UBASH3B: variants seen among roughly 807,000 people sequenced by gnomAD.
The protein encoded by UBASH3B is ubiquitin associated and SH3 domain containing B, also known as ubiquitin-associated and SH3 domain-containing protein B.
Under a neutral mutation model 83.4 loss-of-function variants are expected in UBASH3B, and 37 were observed. The observed-to-expected ratio is 0.44, with a 90% CI of 0.34 to 0.58. UBASH3B has a LOEUF of 0.58. Ranked by LOEUF, UBASH3B falls within the 20% of genes least tolerant of loss-of-function variation. The pLI is 0.01. For synonymous variants in UBASH3B, 304 were observed against 318.3 expected, an observed-to-expected ratio of 0.96 and a Z score of 0.48; for missense variants, 657 against 827.2, an observed-to-expected ratio of 0.79 and a Z score of 2.52.
intron 1 of UBASH3B, among the ~76,000 whole-genome samples, chr11:122,738,952 A>G (rs1470478557): frequency 6.6e-6 from 1 of 151,706 alleles, no homozygotes; most frequent in Non-Finnish European, 1.5e-5. Context: ...GTGTGGATAT[A>G]AGGGAGCCAT....
chr11:122,705,464 AAAAAAAAG>A (rs1418304767), intron 1 of UBASH3B, among the ~76,000 whole-genome samples: 10 of 151,938 alleles, frequency 6.6e-5, no homozygotes, highest in South Asian at 2.1e-4. Context: ...TAAAAAAAAA[AAAAAAAAG>A]AAAAAAAGAA....
intron 1 of UBASH3B, chr11:122,773,967 G>T: frequency 2.0e-6 from 2 of 985,276 alleles, no homozygotes; most frequent in Non-Finnish European, 2.4e-6. Flanking sequence ...TGGAACAATG[G>T]GTCCTTTTTT....
chr11:122,783,327 C>A, intron 5 of UBASH3B, 105 bp downstream of exon 5: 1 of 1,339,220 alleles, frequency 7.5e-7, no homozygotes, highest in Non-Finnish European at 1.0e-6. Context: ...AAAAATGGAG[C>A]AAGCACCTAA....
At chr11:122,788,363 G>A (rs565584396) in intron 5 of UBASH3B, among the ~76,000 whole-genome samples, 81 of 152,308 alleles carry the variant, frequency 5.3e-4, no homozygotes, top group African/African-American at 1.8e-3. Context: ...GAGGTCAGGA[G>A]TTCGAGACCA....
intron 1 of UBASH3B, among the ~76,000 whole-genome samples, chr11:122,733,439 C>A (rs1180052244): frequency 6.6e-6 from 1 of 152,192 alleles, no homozygotes; most frequent in Non-Finnish European, 1.5e-5. Context: ...TCACTAGAAA[C>A]AAATCCCAGC....
intron 1 of UBASH3B, among the ~76,000 whole-genome samples, chr11:122,657,950 C>T (rs1250575869): frequency 1.3e-5 from 2 of 151,782 alleles, no homozygotes; most frequent in African/African-American, 4.8e-5. Context: ...CTGAGGCAGC[C>T]GGATCACTTG....
At chr11:122,745,802 T>C (rs1177865605) in intron 1 of UBASH3B, among the ~76,000 whole-genome samples, 1 of 152,198 alleles carries the variant, frequency 6.6e-6, no homozygotes, top group Non-Finnish European at 1.5e-5. Flanking sequence ...ATCCCACTTA[T>C]CTATCAAGGC....
chr11:122,803,898 G>A (rs187512059), intron 11 of UBASH3B, among the ~76,000 whole-genome samples: 2 of 152,224 alleles, frequency 1.3e-5, no homozygotes, highest in Admixed American at 1.3e-4. Context: ...GGGCCTGCAG[G>A]TGTGGCTAGC....
intron 11 of UBASH3B, 42 bp downstream of exon 11, chr11:122,801,374 G>T (rs1818399227): frequency 6.2e-7 from 1 of 1,605,778 alleles, no homozygotes; most frequent in South Asian, 1.1e-5. Flanking sequence ...CAGTGTGGAA[G>T]TGCTTTCTGC....
intron 1 of UBASH3B, chr11:122,774,364 G>C: frequency 3.2e-6 from 3 of 938,884 alleles, no homozygotes; most frequent in Non-Finnish European, 3.8e-6. Flanking sequence ...AGGGGAAGGG[G>C]ATAGTCTTTA....
At chr11:122,738,162 AC>A (rs1424219624) in intron 1 of UBASH3B, among the ~76,000 whole-genome samples, 2 of 151,040 alleles carry the variant, frequency 1.3e-5, no homozygotes, top group African/African-American at 2.5e-5. Context: ...TCTCACTGTT[AC>A]TTACTAAGTG....
chr11:122,800,392 A>AAC (rs1861233708), intron 10 of UBASH3B, among the ~76,000 whole-genome samples: 1 of 149,970 alleles, frequency 6.7e-6, no homozygotes. Context: ...ACAAAAAAAA[A>AAC]AAAAAAAAAA....
At position 122,769,236 on chromosome 11, in the gene UBASH3B, T is replaced by G. The variant is rs180758542; in HGVS notation, c.162-6983T>G. ...GAAGGGAGAGAGAGAGGGGAGAAGC[T>G]GCCAGGCTCTTTTCAACAACCAGCT... On this transcript the variant is annotated intron_variant, in intron 1 of 13. Coordinates refer to ENST00000284273, the MANE Select transcript of UBASH3B (RefSeq NM_032873.5). Among the ~76,000 whole-genome samples the G allele has an allele frequency of 9.9e-3, 1,505 of 152,218 alleles. 11 individuals are homozygous for G. The highest frequency in any genetic ancestry group is 0.016 in the Non-Finnish European group (1,119 of 67,994).
chr11:122,794,240 G>A lies in UBASH3B; in HGVS notation c.981-462G>A, dbSNP rs949019403. 7.9e-5 allele frequency among the ~76,000 whole-genome samples: 12 copies of A among 152,034 alleles called. No individual in the cohort carries two copies. In the East Asian group the frequency reaches 1.7e-3, roughly 22 times the overall value. On this transcript the variant is annotated intron_variant, in intron 6 of 13. Transcript: ENST00000284273. The stretch of plus-strand genomic sequence containing the variant: ...TTTCTTTTTGAGACGGGGTTTCGCC[G>A]TATCGCCCGGGCTGGAGTGCAGTGG...
chr11:122,773,855 A>G (rs1163764382), intron 1 of UBASH3B, among the ~76,000 whole-genome samples: 1 of 152,150 alleles, frequency 6.6e-6, no homozygotes, highest in African/African-American at 2.4e-5. Context: ...ACTCGGATAT[A>G]TTTCATTGGG....
At chr11:122,685,069 GA>G (rs1260217469) in intron 1 of UBASH3B, among the ~76,000 whole-genome samples, 4 of 152,186 alleles carry the variant, frequency 2.6e-5, no homozygotes, top group African/African-American at 9.7e-5. Context: ...CCCCCGGCAA[GA>G]GGAAAATACT....
At chr11:122,804,377 G>A (rs979484286) in intron 11 of UBASH3B, among the ~76,000 whole-genome samples, 1 of 152,108 alleles carries the variant, frequency 6.6e-6, no homozygotes, top group African/African-American at 2.4e-5. Flanking sequence ...TGCAGGATAT[G>A]GGCAAGTTTC....
At chr11:122,707,171 CCT>C (rs751230619) in intron 1 of UBASH3B, among the ~76,000 whole-genome samples, 3 of 152,252 alleles carry the variant, frequency 2.0e-5, no homozygotes, top group African/African-American at 7.2e-5. Flanking sequence ...CCCATAGACC[CCT>C]GTTTTTCAAA....
chr11:122,799,069 A>ATCCC (rs1565571016), intron 10 of UBASH3B, 35 bp downstream of exon 10: 2 of 1,562,524 alleles, frequency 1.3e-6, no homozygotes, highest in African/African-American at 1.4e-5. Context: ...CAAGTAGTCC[A>ATCCC]TCCCTCTCTT....
Sources: allele counts gnomAD v4.1 joint callset (sites outside exome capture counted in the v4.1 genomes callset), GRCh38; gene constraint gnomAD v4.1.1; transcripts MANE v1.5; gene names NCBI Gene and HGNC (gene_info 2026-07-23, HGNC 2026-07-21).